PTPRN2: variants seen among roughly 807,000 people sequenced by gnomAD.
PTPRN2 encodes protein tyrosine phosphatase receptor type N2.
A neutral mutation model predicts 118.8 loss-of-function variants in PTPRN2; 74 were observed. That is an observed-to-expected ratio of 0.62 (90% CI 0.52 to 0.76). PTPRN2 has a LOEUF of 0.76. Ranked by LOEUF, PTPRN2 falls within the 30% of genes least tolerant of loss-of-function variation. The pLI is 0.00. For synonymous variants in PTPRN2, 641 were observed against 608.0 expected (o/e 1.05, Z -0.80); for missense variants, 1,481 against 1,394.4 (o/e 1.06, Z -0.99).
At chr7:158,575,337 A>G (rs1244100530) in intron 1 of PTPRN2, among the ~76,000 whole-genome samples, 4 of 152,260 alleles carry the variant, frequency 2.6e-5, no homozygotes, top group Admixed American at 2.0e-4. Context: ...AAAAGTACCA[A>G]TAAACCAAAC....
Position 158,083,796 on chromosome 7 carries a change from C to T in PTPRN2, c.1644-2419G>A, listed in dbSNP as rs186777009. ...AGCGAGACCCAGGTGCCTGCGGTCACGGTGCACTGAGCCCTGGCTCTGGCC... is the reference window on the plus strand; with the variant it reads ...AGCGAGACCCAGGTGCCTGCGGTCATGGTGCACTGAGCCCTGGCTCTGGCC... On this transcript the variant is annotated intron_variant, in intron 10 of 22. Transcript: ENST00000389418. 5.3e-5 allele frequency among the ~76,000 whole-genome samples: 8 copies of T among 152,268 alleles called. No individual in the cohort carries two copies. In the East Asian group the frequency reaches 5.8e-4, roughly 11 times the overall value.
At chr7:158,435,496 T>C (rs1192239956) in intron 2 of PTPRN2, among the ~76,000 whole-genome samples, 1 of 152,130 alleles carries the variant, frequency 6.6e-6, no homozygotes, top group Non-Finnish European at 1.5e-5. Flanking sequence ...CAAAAGGTCC[T>C]TATGGAAAAC....
chr7:157,766,326 A>G (rs1802487029), intron 12 of PTPRN2, among the ~76,000 whole-genome samples: 3 of 143,112 alleles, frequency 2.1e-5, no homozygotes. Context: ...CCACCCATCC[A>G]TCCTTCCTTC....
At chr7:157,871,824 C>G (rs1308788432) in intron 12 of PTPRN2, among the ~76,000 whole-genome samples, 1 of 151,622 alleles carries the variant, frequency 6.6e-6, no homozygotes, top group East Asian at 1.9e-4. Context: ...AAAATGCACA[C>G]ACACCCATGT....
chr7:157,996,919 G>C (rs1804792441), intron 11 of PTPRN2, among the ~76,000 whole-genome samples: 1 of 152,204 alleles, frequency 6.6e-6, no homozygotes, highest in African/African-American at 2.4e-5. Flanking sequence ...CTAGGCCCGG[G>C]GCGGGTGTGG....
At chr7:157,916,629 A>G (rs1410484247) in intron 11 of PTPRN2, among the ~76,000 whole-genome samples, 1 of 152,220 alleles carries the variant, frequency 6.6e-6, no homozygotes, top group African/African-American at 2.4e-5. Context: ...TGCTCCAGCC[A>G]CCTGCACCAC....
chr7:157,649,564 C>T (rs879158222), intron 14 of PTPRN2, among the ~76,000 whole-genome samples: 11 of 74,980 alleles, frequency 1.5e-4, no homozygotes, highest in Admixed American at 3.2e-4. Context: ...ACCCATCCAG[C>T]GTGCACTGAA....
intron 2 of PTPRN2, among the ~76,000 whole-genome samples, chr7:158,388,657 G>A (rs2084929): frequency 0.021 from 3,178 of 152,266 alleles, 49 homozygotes; most frequent in Non-Finnish European, 0.031. Flanking sequence ...AGGCATGATG[G>A]ATTAAATCAC....
intron 12 of PTPRN2, among the ~76,000 whole-genome samples, chr7:157,895,903 A>G (rs188089099): frequency 2.5e-4 from 38 of 152,268 alleles, no homozygotes; most frequent in African/African-American, 7.0e-4. Context: ...ACAACACAGG[A>G]AGCAGAGTCA....
At position 157,787,597 on chromosome 7, in the gene PTPRN2, A is replaced by T. The variant is rs1804148656; in HGVS notation, c.1789-104660T>A. Among the ~76,000 whole-genome samples the T allele has an allele frequency of 6.6e-6, 1 of 151,904 alleles. No homozygotes were observed. Reference sequence around the variant, plus strand: ...GGCGACCCCACAGAGAGAGAGGCAGAGGAGAGTGGCCGTGACCTGGAGGAC... The same window carrying T: ...GGCGACCCCACAGAGAGAGAGGCAGTGGAGAGTGGCCGTGACCTGGAGGAC... On this transcript the variant is annotated intron_variant, in intron 12 of 22. Coordinates refer to ENST00000389418, the MANE Select transcript of PTPRN2 (RefSeq NM_002847.5). This position sits in a 1 kb window ranked among gnomAD's most constrained non-coding sequence, Gnocchi z 5.3.
At chr7:157,545,268 G>C (rs1563199999) in intron 22 of PTPRN2, among the ~76,000 whole-genome samples, 2 of 151,504 alleles carry the variant, frequency 1.3e-5, no homozygotes, top group South Asian at 4.2e-4. Flanking sequence ...GCAGGTGTGT[G>C]CGTGTGAGCA....
chr7:158,304,120 C>T (rs765148800), intron 3 of PTPRN2, among the ~76,000 whole-genome samples: 37 of 149,230 alleles, frequency 2.5e-4, no homozygotes, highest in Middle Eastern at 3.6e-3. Context: ...TTTCTACATG[C>T]TAGGGAGGCA....
chr7:157,923,462 A>G (rs6954468), intron 11 of PTPRN2, among the ~76,000 whole-genome samples: 120,679 of 151,922 alleles, frequency 0.79, 48,144 homozygotes, highest in African/African-American at 0.86. Flanking sequence ...GGCAGAGCAC[A>G]TGTCACTACA....
intron 2 of PTPRN2, among the ~76,000 whole-genome samples, chr7:158,367,113 C>A (rs549161093): frequency 1.3e-5 from 2 of 152,312 alleles, no homozygotes; most frequent in Admixed American, 6.5e-5. Flanking sequence ...ACTCGTGCCC[C>A]AGGCTGCAGG....
chr7:158,064,594 C>T (rs1810617174), intron 11 of PTPRN2, among the ~76,000 whole-genome samples: 2 of 152,184 alleles, frequency 1.3e-5, no homozygotes, highest in South Asian at 4.1e-4. Flanking sequence ...CACACTGTGT[C>T]TGAGGGACGC....
At chr7:158,417,642 C>T (rs576205917) in intron 2 of PTPRN2, among the ~76,000 whole-genome samples, 3 of 150,606 alleles carry the variant, frequency 2.0e-5, no homozygotes, top group South Asian at 4.2e-4. Flanking sequence ...TGTCCTACAT[C>T]GAGATGCTCT....
intron 12 of PTPRN2, among the ~76,000 whole-genome samples, chr7:157,758,418 A>C (rs1184922704): frequency 6.6e-6 from 1 of 152,186 alleles, no homozygotes; most frequent in Non-Finnish European, 1.5e-5. Flanking sequence ...GGTAGGTGGC[A>C]CGAGGCCACA....
chr7:158,245,878 GGCTGCTGACTCACAGGCATGGA>G (rs1366646825), intron 3 of PTPRN2, among the ~76,000 whole-genome samples: 2 of 151,972 alleles, frequency 1.3e-5, no homozygotes, highest in African/African-American at 2.4e-5. Flanking sequence ...ACAGGCATGG[GGCTGCTGACTCACAGGCATGGA>G]GCTGGACATC....
intron 21 of PTPRN2, among the ~76,000 whole-genome samples, chr7:157,557,325 ACCC>A (rs1465758886): frequency 6.6e-6 from 1 of 151,530 alleles, no homozygotes; most frequent in Non-Finnish European, 1.5e-5. Context: ...CACACAATAC[ACCC>A]CACATCACAC....
Sources: gnomAD v4.1 joint callset for allele counts (sites outside exome capture counted in the v4.1 genomes callset) on GRCh38, gnomAD v4.1.1 for gene constraint, Gnocchi (gnomAD v3.1) non-coding constraint, MANE v1.5 for transcripts, NCBI Gene and HGNC (gene_info 2026-07-23, HGNC 2026-07-21) for gene names.